The following HHLA1 variants were observed in gnomAD, a reference collection of about 807,000 sequenced individuals.
HHLA1 encodes the protein HERV-H LTR-associating protein 1.
A neutral mutation model predicts 69.9 loss-of-function variants in HHLA1; 72 were observed. That is an observed-to-expected ratio of 1.03 (90% confidence interval 0.85 to 1.25). HHLA1 has a LOEUF of 1.25. Among genes scored for constraint, HHLA1 ranks in the 50% most tolerant of loss-of-function variants. The pLI is 0.00. For missense variants in HHLA1, 685 were observed against 642.2 expected, an observed-to-expected ratio of 1.07 and a Z score of -0.72; for synonymous variants, 252 against 233.2, an observed-to-expected ratio of 1.08 and a Z score of -0.73.
rs762985295 is a variant in HHLA1, at chr8:132,062,786, G to A, written c.*1209C>T. The A allele has an allele frequency of 9.2e-5, 14 of 152,268 alleles. No individual in the cohort carries two copies. The highest frequency in any genetic ancestry group is 1.8e-4 in the Non-Finnish European group (12 of 68,072). The allele number at this position is 152,268 out of a possible 1,614,324, so 9.4% of individuals were successfully genotyped here. ...GACTCCACAGACGTACTCCACAGAT[G>A]AGCTCAAATCCTGCACCTTTCAGAG... On this transcript the variant is annotated 3_prime_UTR_variant, in exon 17 of 17. Transcript: ENST00000414222.
chr8:132,110,209 G>T (rs375279244), intron 1 of HHLA1, among the ~76,000 whole-genome samples: 7 of 152,158 alleles, frequency 4.6e-5, no homozygotes, highest in African/African-American at 1.7e-4. Context: ...GAGTGTCAGC[G>T]GGTGTGGGCT....
intron 3 of HHLA1, chr8:132,101,188 T>G (rs949456364): frequency 6.1e-5 from 94 of 1,544,742 alleles, no homozygotes; most frequent in Admixed American, 2.4e-4. Flanking sequence ...CTGAAAAATG[T>G]GCCCTGCATT....
chr8:132,082,383 G>C (rs1482253628), intron 10 of HHLA1, among the ~76,000 whole-genome samples: 1 of 152,148 alleles, frequency 6.6e-6, no homozygotes, highest in African/African-American at 2.4e-5. Context: ...AAGGCTACAG[G>C]GTGTGGTCCT....
intron 10 of HHLA1, chr8:132,080,929 T>C (rs1205797373): frequency 6.6e-6 from 1 of 152,076 alleles, no homozygotes; most frequent in Non-Finnish European, 1.5e-5. Flanking sequence ...TGATAGGTGA[T>C]GGCCTGGATA....
At chr8:132,099,988 A>T (rs1824087159) in intron 4 of HHLA1, 87 bp downstream of exon 4, 4 of 946,542 alleles carry the variant, frequency 4.2e-6, no homozygotes, top group Non-Finnish European at 6.7e-6. Flanking sequence ...CGTTCTCGCC[A>T]CTGTGGGAAA....
At position 132,062,211 on chromosome 8, in the gene HHLA1, A is replaced by G. The variant is rs1353131655; in HGVS notation, c.*1784T>C. The G allele has an allele frequency of 1.3e-5, 2 of 152,216 alleles. No homozygotes were observed. The highest frequency in any genetic ancestry group is 1.9e-4 in the East Asian group (1 of 5,196). 9.4% of individuals were successfully genotyped at this position (152,216 alleles called of 1,614,324 possible). A position where few individuals can be genotyped will look rare whatever the true frequency, so the allele number is the denominator to read the frequency against. The stretch of plus-strand genomic sequence containing the variant: ...CCAGAAAATTTGCTGTATCCTCTTC[A>G]TCTTTGCAAAAGTCATGATAATATA... On this transcript the variant is annotated 3_prime_UTR_variant, in exon 17 of 17. Coordinates refer to ENST00000414222, the MANE Select transcript of HHLA1 (RefSeq NM_001145095.3).
At chr8:132,089,441 C>A in intron 8 of HHLA1, 75 bp downstream of exon 8, 1 of 808,696 alleles carries the variant, frequency 1.2e-6, no homozygotes. Context: ...GGGTGAGGAA[C>A]ATAATATGCT....
rs1449863454 is a variant in HHLA1, at chr8:132,076,562, G to C, written c.1172-19C>G. 1.3e-6 allele frequency: 2 copies of C among 1,495,002 alleles called. No individual in the cohort carries two copies. The highest frequency in any genetic ancestry group is 2.3e-5 in the Admixed American group (1 of 42,910). The allele number at this position is 1,495,002 out of a possible 1,614,324, so 92.6% of individuals were successfully genotyped here. A position where few individuals can be genotyped will look rare whatever the true frequency, so the allele number is the denominator to read the frequency against. On this transcript the variant is annotated intron_variant, in intron 12 of 16. Transcript: ENST00000414222. ...AATGCTCCTGGGAGGAGATGAGAGA[G>C]AGGTGAGCCTGCATCTCTTCTAGGG... is the stretch of plus-strand genomic sequence containing the variant.
intron 2 of HHLA1, among the ~76,000 whole-genome samples, chr8:132,104,697 G>A (rs1325565245): frequency 6.6e-6 from 1 of 152,160 alleles, no homozygotes; most frequent in Non-Finnish European, 1.5e-5. Flanking sequence ...AGGAGGTGGA[G>A]GTGGTAGGAA....
intron 11 of HHLA1, among the ~76,000 whole-genome samples, chr8:132,079,167 T>C (rs1007759665): frequency 3.3e-5 from 5 of 152,248 alleles, no homozygotes; most frequent in African/African-American, 1.2e-4. Flanking sequence ...CGCAAGATGC[T>C]GGGGAGGCAG....
chr8:132,101,156 A>G (rs908959316), intron 3 of HHLA1: 3 of 1,522,670 alleles, frequency 2.0e-6, no homozygotes, highest in Non-Finnish European at 2.6e-6. Flanking sequence ...TTTTGCAAAT[A>G]GAAAACAACA....
chr8:132,083,949 T>A (rs181642273), intron 10 of HHLA1, among the ~76,000 whole-genome samples: 96,019 of 148,162 alleles, frequency 0.65, 31,147 homozygotes, highest in South Asian at 0.74. Flanking sequence ...TAAAATGTAT[T>A]TTGAGAATAA....
Position 132,079,711 on chromosome 8 carries a change from A to C in HHLA1, c.925+7T>G. The C allele has an allele frequency of 1.3e-6, 2 of 1,541,458 alleles. No homozygotes were observed. Among genetic ancestry groups the C allele is most frequent in the East Asian group, 2.4e-5 (1 of 40,858 alleles). On this transcript the variant is annotated splice_region_variant and intron_variant, in intron 11 of 16. Coordinates refer to ENST00000414222, the MANE Select transcript of HHLA1 (RefSeq NM_001145095.3). Reference sequence around the variant, plus strand: ...AAAGGGGAGGAAAGGGTGAGAATGCATCTTACCCAAGGCTGGGAGAGTGTG... The same window carrying C: ...AAAGGGGAGGAAAGGGTGAGAATGCCTCTTACCCAAGGCTGGGAGAGTGTG...
chr8:132,088,146 CCACTTACTAG>C (rs1205811086), intron 8 of HHLA1, among the ~76,000 whole-genome samples: 1 of 152,136 alleles, frequency 6.6e-6, no homozygotes, highest in Admixed American at 6.5e-5. Context: ...ATCAGCTCTG[CCACTTACTAG>C]CTATGCAAAC....
At chr8:132,107,800 T>C (rs927415784) in intron 1 of HHLA1, among the ~76,000 whole-genome samples, 4 of 150,952 alleles carry the variant, frequency 2.6e-5, no homozygotes, top group African/African-American at 9.8e-5. Flanking sequence ...AATAATATCT[T>C]AGTGTATCTC....
At chr8:132,072,652 A>T (rs1354539987) in intron 14 of HHLA1, among the ~76,000 whole-genome samples, 5 of 152,198 alleles carry the variant, frequency 3.3e-5, no homozygotes, top group Non-Finnish European at 7.3e-5. Flanking sequence ...GAAATAAACA[A>T]AAAGGATTAC....
intron 10 of HHLA1, among the ~76,000 whole-genome samples, chr8:132,082,512 G>C (rs896465269): frequency 1.3e-5 from 2 of 152,084 alleles, no homozygotes; most frequent in African/African-American, 4.8e-5. Context: ...GGGAGAGCAC[G>C]TGTGTTTTTA....
intron 3 of HHLA1, 58 bp from the exon 4 acceptor site, chr8:132,100,192 G>C: frequency 7.7e-7 from 1 of 1,295,976 alleles, no homozygotes; most frequent in Non-Finnish European, 1.1e-6. Context: ...CTACCCCCAG[G>C]AATGGAAGAA....
chr8:132,083,712 T>G lies in HHLA1; in HGVS notation c.677-3746A>C, dbSNP rs1357929483. ...TTCCAGCACATGTAGCAAGCTCCTG[T>G]GGGAGGAGGTTCTGGAGGAACGCCT... On this transcript the variant is annotated intron_variant, in intron 10 of 16. Transcript: ENST00000414222. Among the ~76,000 whole-genome samples the G allele has an allele frequency of 7.2e-5, 11 of 152,154 alleles. No individual in the cohort carries two copies. In the South Asian group the frequency reaches 1.7e-3, roughly 23 times the overall value.
Sources: allele counts gnomAD v4.1 joint callset (sites outside exome capture counted in the v4.1 genomes callset), GRCh38; gene constraint gnomAD v4.1.1; transcripts MANE v1.5; gene names NCBI Gene and HGNC (gene_info 2026-07-23, HGNC 2026-07-21).